ARHGAP28: variants seen among roughly 807,000 people sequenced by gnomAD.
ARHGAP28 encodes the protein rho GTPase-activating protein 28.
ARHGAP28 carries 56 observed loss-of-function variants against 90.7 expected under a neutral mutation model. The observed-to-expected ratio is 0.62, with a 90% CI of 0.50 to 0.77. The LOEUF (loss-of-function observed/expected upper bound fraction) is 0.77, where lower values mean the gene tolerates loss of function less well. Among genes scored for constraint, ARHGAP28 ranks in the 30% least tolerant of loss-of-function variants. ARHGAP28 has a pLI of 0.00. For synonymous variants in ARHGAP28, 308 were observed against 323.3 expected (o/e 0.95, Z 0.51); for missense variants, 869 against 900.9 (o/e 0.96, Z 0.45).
At position 6,843,281 on chromosome 18, in the gene ARHGAP28, C is replaced by T. The variant is rs972799834; in HGVS notation, c.543+5867C>T. Among the ~76,000 whole-genome samples the T allele has an allele frequency of 5.9e-5, 9 of 152,238 alleles. 1 individual carries two copies. The highest frequency in any genetic ancestry group is 2.0e-4 in the Admixed American group (3 of 15,300). On this transcript the variant is annotated intron_variant, in intron 3 of 17. Transcript: ENST00000383472. ...CACCGAGGCAGGTGTCACTCATCAC[C>T]GAGAGTTAACTACTGCCGCTCTTCA... is the stretch of plus-strand genomic sequence containing the variant.
At chr18:6,843,145 T>C (rs889520199) in intron 3 of ARHGAP28, among the ~76,000 whole-genome samples, 8 of 152,280 alleles carry the variant, frequency 5.3e-5, no homozygotes, top group African/African-American at 1.9e-4. Flanking sequence ...TGGCATTTAG[T>C]AGGCGCTCAG....
intron 3 of ARHGAP28, among the ~76,000 whole-genome samples, chr18:6,847,189 C>A (rs2056872158): frequency 6.6e-6 from 1 of 151,980 alleles, no homozygotes; most frequent in Admixed American, 6.6e-5. Context: ...GCAGGGAGAA[C>A]CTGCTATTAG....
chr18:6,767,487 T>C (rs2056208841), intron 1 of ARHGAP28, among the ~76,000 whole-genome samples: 1 of 152,190 alleles, frequency 6.6e-6, no homozygotes, highest in Admixed American at 6.5e-5. Context: ...TATGTTCTAG[T>C]ATTTTTTTTC....
rs536420213 is a variant in ARHGAP28, at chr18:6,859,682, C to T, written c.637-126C>T. On this transcript the variant is annotated intron_variant, in intron 4 of 17. Coordinates refer to ENST00000383472, the MANE Select transcript of ARHGAP28 (RefSeq NM_001366230.1). ...GCACTACCAGTTGGATGCAATTGTC[C>T]ATGCACAGGCAGTCATAATTGCATA... 4.1e-4 allele frequency: 381 copies of T among 922,396 alleles called. 6 individuals carry two copies. In the South Asian group the frequency reaches 5.7e-3, roughly 14 times the overall value. The allele number at this position is 922,396 out of a possible 1,614,324, so 57.1% of individuals were successfully genotyped here. A position where few individuals can be genotyped will look rare whatever the true frequency, so the allele number is the denominator to read the frequency against.
chr18:6,880,041 T>C (rs776916535), intron 10 of ARHGAP28, among the ~76,000 whole-genome samples: 9 of 152,178 alleles, frequency 5.9e-5, no homozygotes, highest in Non-Finnish European at 1.2e-4. Flanking sequence ...GGAAAATGAA[T>C]TTGAATTCTT....
At chr18:6,898,706 A>G (rs2057322120) in intron 16 of ARHGAP28, 10 of 1,401,392 alleles carry the variant, frequency 7.1e-6, no homozygotes, top group Non-Finnish European at 9.3e-6. Flanking sequence ...TTCTAATAAA[A>G]ATGTATTAGA....
rs1406811219 is a variant in ARHGAP28 at position 6,889,906 on chromosome 18, A to G, written c.1555A>G (p.Asn519Asp). Residue 519 changes from asparagine to aspartate, a missense_variant, in exon 13 of 18, where the codon AAT becomes GAT. Asn to Asp is a conservative substitution (Grantham distance 23, BLOSUM62 1). Transcript: ENST00000383472. Reference protein sequence around the residue: ...DAAQALMTFFNKVIANESKNR... With the variant: ...DAAQALMTFFDKVIANESKNR... ...TTCTTAGGCCCTCATGACATTCTTCAATAAAGTGATTGCCAATGAATCAAA... is the reference window on the plus strand; with the variant it reads ...TTCTTAGGCCCTCATGACATTCTTCGATAAAGTGATTGCCAATGAATCAAA... 1.2e-6 allele frequency: 2 copies of G among 1,614,008 alleles called. No individual in the cohort carries two copies. The highest frequency in any genetic ancestry group is 1.7e-6 in the Non-Finnish European group (2 of 1,180,042).
In ARHGAP28 at chr18:6,894,486, T is replaced by C. The variant is rs567042653; in HGVS notation, c.1849-349T>C. ...AATCATGGGGATTATTTTATATCAGTCCACAAAGCCAGCACCTTTGCTTCT... is the reference window on the plus strand; with the variant it reads ...AATCATGGGGATTATTTTATATCAGCCCACAAAGCCAGCACCTTTGCTTCT... On this transcript the variant is annotated intron_variant, in intron 14 of 17. Coordinates refer to ENST00000383472, the MANE Select transcript of ARHGAP28 (RefSeq NM_001366230.1). Among the ~76,000 whole-genome samples the C allele has an allele frequency of 1.1e-4, 16 of 152,326 alleles. No homozygotes were observed. In the East Asian group the frequency reaches 2.1e-3, roughly 20 times the overall value.
At chr18:6,879,490 C>T (rs931916758) in intron 10 of ARHGAP28, among the ~76,000 whole-genome samples, 3 of 152,156 alleles carry the variant, frequency 2.0e-5, no homozygotes, top group African/African-American at 7.2e-5. Flanking sequence ...CTAAGTGCTC[C>T]CCATCTTTGG....
intron 1 of ARHGAP28, among the ~76,000 whole-genome samples, chr18:6,811,851 G>C (rs1187050194): frequency 6.6e-6 from 1 of 151,814 alleles, no homozygotes; most frequent in African/African-American, 2.4e-5. Flanking sequence ...ATTAATTTTT[G>C]TCAATGAATT....
chr18:6,898,669 A>G (rs1299320636), intron 16 of ARHGAP28: 1 of 1,452,016 alleles, frequency 6.9e-7, no homozygotes, highest in African/African-American at 1.4e-5. Flanking sequence ...TGTACTCTCA[A>G]GTAGACCTTT....
chr18:6,804,367 T>C (rs1430131336), intron 1 of ARHGAP28, among the ~76,000 whole-genome samples: 6 of 152,224 alleles, frequency 3.9e-5, no homozygotes, highest in Non-Finnish European at 7.3e-5. Flanking sequence ...ATTAATTGTA[T>C]TGATCTTTTC....
At chr18:6,734,502 C>A (rs2055909533) in intron 1 of ARHGAP28, among the ~76,000 whole-genome samples, 1 of 152,048 alleles carries the variant, frequency 6.6e-6, no homozygotes, top group Admixed American at 6.6e-5. Context: ...AATTCTACAG[C>A]AATGTTTAAA....
intron 7 of ARHGAP28, 81 bp downstream of exon 7, chr18:6,870,813 T>A: frequency 6.9e-7 from 1 of 1,453,320 alleles, no homozygotes; most frequent in Non-Finnish European, 9.2e-7. Flanking sequence ...TTCTTTTTTT[T>A]TTTTGAGACG....
intron 3 of ARHGAP28, among the ~76,000 whole-genome samples, chr18:6,841,133 C>CT (rs1215623485): frequency 2.0e-5 from 3 of 147,752 alleles, no homozygotes; most frequent in South Asian, 4.3e-4. Context: ...CTCTCTCTCT[C>CT]CTCTCTCACT....
chr18:6,870,816 T>C, intron 7 of ARHGAP28, 84 bp downstream of exon 7: 2 of 1,420,152 alleles, frequency 1.4e-6, no homozygotes, highest in Non-Finnish European at 1.9e-6. Context: ...TTTTTTTTTT[T>C]TGAGACGGAG....
At chr18:6,880,064 G>A (rs1175139562) in intron 10 of ARHGAP28, among the ~76,000 whole-genome samples, 2 of 152,132 alleles carry the variant, frequency 1.3e-5, no homozygotes, top group African/African-American at 2.4e-5. Context: ...CCTCTCGCTG[G>A]TGCTTCCTGT....
chr18:6,887,250 T>A lies in ARHGAP28; in HGVS notation c.1536+11T>A. On this transcript the variant is annotated intron_variant, in intron 12 of 17. Transcript: ENST00000383472. ...AGAGATGCAGCTCAGGTACGTCGTG[T>A]CCACCTCACAGCTTGTCCTGGGGCT... is the stretch of plus-strand genomic sequence containing the variant. The A allele has an allele frequency of 6.2e-7, 1 of 1,613,066 alleles. No individual in the cohort carries two copies. The highest frequency in any genetic ancestry group is 8.5e-7 in the Non-Finnish European group (1 of 1,179,270).
intron 1 of ARHGAP28, chr18:6,774,340 G>A (rs1043408523): frequency 5.3e-5 from 8 of 152,080 alleles, no homozygotes; most frequent in African/African-American, 1.9e-4. Flanking sequence ...AGCTGTGATA[G>A]CTTTTTTAAA....
Sources: gnomAD v4.1 joint callset for allele counts (sites outside exome capture counted in the v4.1 genomes callset) on GRCh38, gnomAD v4.1.1 for gene constraint, MANE v1.5 for transcripts, NCBI Gene and HGNC (gene_info 2026-07-23, HGNC 2026-07-21) for gene names.